CD40LG: variants seen among roughly 807,000 people sequenced by gnomAD.
CD40LG encodes CD40 antigen ligand.
A neutral mutation model predicts 17.2 loss-of-function variants in CD40LG; 1 was observed. The ratio of observed to expected loss-of-function variants is 0.06; its 90% CI spans 0.02 to 0.28. The LOEUF is 0.28. Among genes scored for constraint, CD40LG ranks in the 10% least tolerant of loss-of-function variants. The probability of loss-of-function intolerance (pLI) is 1.00; values close to 1 mark genes in which losing one functional copy is unlikely to be tolerated. For synonymous variants in CD40LG, 66 were observed against 74.4 expected (o/e 0.89, Z 0.58); for missense variants, 133 against 193.2 (o/e 0.69, Z 1.85).
At chrX:136,658,949 C>T in intron 4 of CD40LG, 90 bp from the exon 5 acceptor site, 1 of 1,017,107 alleles carries the variant, frequency 9.8e-7, no homozygotes, top group Non-Finnish European at 1.4e-6. Context: ...CTATACAAAG[C>T]CAATATCCAA....
Position 136,659,446 on chromosome X carries a change from T to G in CD40LG, c.*31T>G, listed in dbSNP as rs1053958589. On this transcript the variant is annotated 3_prime_UTR_variant, in exon 5 of 5. Transcript: ENST00000370629. ...GTCACCTTGCAGGCTGTGGTGGAGCTGACGCTGGGAGTCTTCATAATACAG... is the reference window on the plus strand; with the variant it reads ...GTCACCTTGCAGGCTGTGGTGGAGCGGACGCTGGGAGTCTTCATAATACAG... 2 of 1,200,524 alleles carry G rather than the reference T, an allele frequency of 1.7e-6. No individual in the cohort carries two copies. Among genetic ancestry groups the G allele is most frequent in the Non-Finnish European group, 2.2e-6 (2 of 890,691 alleles).
intron 2 of CD40LG, 51 bp from the exon 3 acceptor site, chrX:136,654,322 C>A (rs2076112917): frequency 1.1e-6 from 1 of 897,655 alleles, no homozygotes; most frequent in Non-Finnish European, 1.6e-6. Flanking sequence ...TTTTAAAACC[C>A]CACAGCAGAG....
intron 3 of CD40LG, among the ~76,000 whole-genome samples, chrX:136,655,130 A>G (rs770016910): frequency 9.0e-6 from 1 of 111,463 alleles, no homozygotes; most frequent in South Asian, 3.8e-4. Context: ...TTGTTCCTAT[A>G]ATCTCCACTC....
chrX:136,659,170 C>A lies in CD40LG; in HGVS notation c.541C>A (p.Arg181=). ...IYAQVTFCSN[R]EASSQAPFIA... ...TGCCCAAGTCACCTTCTGTTCCAAT[C>A]GGGAAGCTTCGAGTCAAGCTCCATT... The change falls in exon 5 of 5, where the codon CGG becomes AGG. Residue 181 remains arginine (R), a synonymous_variant. Transcript: ENST00000370629. The A allele has an allele frequency of 8.3e-7, 1 of 1,211,324 alleles. No homozygotes were observed. The highest frequency in any genetic ancestry group is 3.0e-5 in the East Asian group (1 of 33,858).
intron 4 of CD40LG, among the ~76,000 whole-genome samples, chrX:136,658,628 G>A (rs954538752): frequency 9.0e-6 from 1 of 111,564 alleles, no homozygotes; most frequent in African/African-American, 3.3e-5. Flanking sequence ...GGTAATATTA[G>A]CAAAAATTTG....
intron 1 of CD40LG, among the ~76,000 whole-genome samples, chrX:136,648,646 C>A (rs1954504128): frequency 8.9e-6 from 1 of 111,768 alleles, no homozygotes; most frequent in Non-Finnish European, 1.9e-5. Flanking sequence ...TATCCTGGGG[C>A]AAGTGCCTCA....
In CD40LG at chrX:136,656,552, T is replaced by A. The variant is rs146690080; in HGVS notation, c.409+134T>A. 152 of 550,542 alleles carry A rather than the reference T, an allele frequency of 2.8e-4. 1 individual carries two copies. The African/African-American group carries it at 3.0e-3, about 11-fold the overall frequency. The allele number at this position is 550,542 out of a possible 1,213,427, so 45.4% of individuals were successfully genotyped here. A position where few individuals can be genotyped will look rare whatever the true frequency, so the allele number is the denominator to read the frequency against. ...AAACCTACCCCTACACTTCTCCTAT[T>A]CCCTTCTTTGTCTTCAAAGTGAGTT... On this transcript the variant is annotated intron_variant, in intron 4 of 4. Transcript: ENST00000370629.
At chrX:136,656,186 A>G (rs2076118485) in intron 3 of CD40LG, among the ~76,000 whole-genome samples, 170 bp from the exon 4 acceptor site, 1 of 112,590 alleles carries the variant, frequency 8.9e-6, no homozygotes, top group Admixed American at 9.4e-5. Flanking sequence ...TTACTCAGAT[A>G]TTAGAAACCA....
chrX:136,659,391 G>A lies in CD40LG; in HGVS notation c.762G>A (p.Thr254=). The change falls in exon 5 of 5, where the codon ACG becomes ACA. Residue 254 remains threonine (T), a synonymous_variant. Transcript: ENST00000370629. ...AAGTGAGCCATGGCACTGGCTTCACGTCCTTTGGCTTACTCAAACTCTGAA... is the reference window on the plus strand; with the variant it reads ...AAGTGAGCCATGGCACTGGCTTCACATCCTTTGGCTTACTCAAACTCTGAA... The part of the protein sequence containing the change: ...PSQVSHGTGF[T]SFGLLKL 5 of 1,210,770 alleles carry A rather than the reference G, an allele frequency of 4.1e-6. No homozygotes were observed. The highest frequency in any genetic ancestry group is 1.8e-5 in the South Asian group (1 of 57,004).
rs987011565 is a variant in CD40LG, at chrX:136,660,241, GTGCAGCCCTGAGCC to G, written c.*830_*843del. 9.1e-6 allele frequency: 1 copy of G among 109,402 alleles called. No homozygotes were observed. The highest frequency in any genetic ancestry group is 1.9e-5 in the Non-Finnish European group (1 of 52,494). The allele number at this position is 109,402 out of a possible 1,213,427, so 9.0% of individuals were successfully genotyped here. On this transcript the variant is annotated 3_prime_UTR_variant, in exon 5 of 5. Coordinates refer to ENST00000370629, the MANE Select transcript of CD40LG (RefSeq NM_000074.3). ...TATAGATGAGGGTGAGGAGTAGGGAGTGCAGCCCTGAGCCTGCCCACTCCTCATTACGAAATGAC... is the reference window on the plus strand; with the variant it reads ...TATAGATGAGGGTGAGGAGTAGGGAGTGCCCACTCCTCATTACGAAATGAC...
chrX:136,648,649 G>T (rs1229418354), intron 1 of CD40LG, among the ~76,000 whole-genome samples: 1 of 111,903 alleles, frequency 8.9e-6, no homozygotes, highest in Non-Finnish European at 1.9e-5. Flanking sequence ...CCTGGGGCAA[G>T]TGCCTCAGTT....
chrX:136,656,562 G>T, intron 4 of CD40LG, 144 bp downstream of exon 4: 1 of 532,546 alleles, frequency 1.9e-6, no homozygotes, highest in Non-Finnish European at 3.4e-6. Flanking sequence ...TCCCTTCTTT[G>T]TCTTCAAAGT....
intron 4 of CD40LG, among the ~76,000 whole-genome samples, chrX:136,657,679 A>C (rs2076122963): frequency 8.9e-6 from 1 of 112,002 alleles, no homozygotes; most frequent in African/African-American, 3.3e-5. Context: ...CAACAGAGAA[A>C]TCTCCTAGAA....
rs1414525971 is a variant in CD40LG, at chrX:136,660,235, T to C, written c.*820T>C. On this transcript the variant is annotated 3_prime_UTR_variant, in exon 5 of 5. Transcript: ENST00000370629. ...TACCACTATAGATGAGGGTGAGGAG[T>C]AGGGAGTGCAGCCCTGAGCCTGCCC... The C allele has an allele frequency of 2.8e-5, 3 of 107,478 alleles. No individual in the cohort carries two copies. Among genetic ancestry groups the C allele is most frequent in the African/African-American group, 1.0e-4 (3 of 29,451 alleles). 8.9% of individuals were successfully genotyped at this position (107,478 alleles called of 1,213,427 possible).
At chrX:136,658,477 T>C (rs920252557) in intron 4 of CD40LG, among the ~76,000 whole-genome samples, 1 of 111,810 alleles carries the variant, frequency 8.9e-6, no homozygotes, top group Non-Finnish European at 1.9e-5. Flanking sequence ...CTAATTTTAG[T>C]CCTTGCTGGG....
Position 136,656,429 on chromosome X carries a change from C to A in CD40LG, c.409+11C>A, listed in dbSNP as rs2148552944. ...GTAAAACAACATCTGGTAAGTCACA[C>A]AGCATCTGAGCGGTAGCCACCCAAG... On this transcript the variant is annotated intron_variant, in intron 4 of 4. Coordinates refer to ENST00000370629, the MANE Select transcript of CD40LG (RefSeq NM_000074.3). 8.4e-7 allele frequency: 1 copy of A among 1,191,902 alleles called. No homozygotes were observed. Among genetic ancestry groups the A allele is most frequent in the Non-Finnish European group, 1.1e-6 (1 of 877,400 alleles).
At chrX:136,655,494 T>C (rs1243504508) in intron 3 of CD40LG, among the ~76,000 whole-genome samples, 2 of 112,170 alleles carry the variant, frequency 1.8e-5, no homozygotes, top group South Asian at 3.7e-4. Context: ...GTGAACATGA[T>C]GTTATGGCTT....
At chrX:136,659,010 A>G in intron 4 of CD40LG, 29 bp from the exon 5 acceptor site, 1 of 1,205,932 alleles carries the variant, frequency 8.3e-7, no homozygotes, top group Non-Finnish European at 1.1e-6. Flanking sequence ...GCTTCACCTC[A>G]CCACAAACTT....
At chrX:136,657,010 A>AT (rs1368496031) in intron 4 of CD40LG, among the ~76,000 whole-genome samples, 1 of 112,046 alleles carries the variant, frequency 8.9e-6, no homozygotes, top group African/African-American at 3.2e-5. Flanking sequence ...GCCTTTAGAT[A>AT]TTTTTTCCCA....
Sources: allele counts gnomAD v4.1 joint callset (sites outside exome capture counted in the v4.1 genomes callset), GRCh38; gene constraint gnomAD v4.1.1; transcripts MANE v1.5; gene names NCBI Gene and HGNC (gene_info 2026-07-23, HGNC 2026-07-21).